The following OTOGL variants were observed in gnomAD, a reference collection of about 807,000 sequenced individuals.
OTOGL encodes the protein otogelin-like protein.
OTOGL carries 285 observed loss-of-function variants against 318.5 expected under a neutral mutation model. The ratio of observed to expected loss-of-function variants is 0.89; its 90% CI spans 0.81 to 0.99. The LOEUF (loss-of-function observed/expected upper bound fraction) is 0.99, where lower values mean the gene tolerates loss of function less well. OTOGL is among the 50% of genes least tolerant of loss of function. The pLI is 0.00. For synonymous variants in OTOGL, 987 were observed against 936.5 expected, an observed-to-expected ratio of 1.05 and a Z score of -0.99; for missense variants, 2,899 against 2,845.6, an observed-to-expected ratio of 1.02 and a Z score of -0.43.
In OTOGL at chr12:80,350,764, T is replaced by C. The variant is rs148822815; in HGVS notation, c.5266-1531T>C. 2.2e-3 allele frequency among the ~76,000 whole-genome samples: 330 copies of C among 152,312 alleles called. 1 individual carries two copies. Among genetic ancestry groups the C allele is most frequent in the African/African-American group, 7.6e-3 (317 of 41,572 alleles). ...TTAAATTGGGTTATTTGTTTCCTTGTTATTGAGTTGTTTGAATTCCTTATG... is the reference window on the plus strand; with the variant it reads ...TTAAATTGGGTTATTTGTTTCCTTGCTATTGAGTTGTTTGAATTCCTTATG... On this transcript the variant is annotated intron_variant, in intron 44 of 58. Coordinates refer to ENST00000547103, the MANE Select transcript of OTOGL (RefSeq NM_001378609.3).
In OTOGL at chr12:80,302,704, T is replaced by C. The variant is rs1190531650; in HGVS notation, c.3134T>C (p.Val1045Ala). The C allele has an allele frequency of 6.5e-7, 1 of 1,534,132 alleles. No homozygotes were observed. The highest frequency in any genetic ancestry group is 8.7e-7 in the Non-Finnish European group (1 of 1,144,608). Residue 1045 changes from valine to alanine, a missense_variant, in exon 28 of 59, where the codon GTA (valine) becomes GCA (alanine). By Grantham distance (64) the Val-to-Ala change is moderately conservative (BLOSUM62 0). This residue lies in a region of OTOGL where 2,607 missense variants were observed against 2,524.9 expected (regional missense o/e 1.03). Coordinates refer to ENST00000547103, the MANE Select transcript of OTOGL (RefSeq NM_001378609.3). ...TGGAAGGCTGGTTACTATATAGTAGTATACTTTCCAGAGAAAGATATCACT... is the reference window on the plus strand; with the variant it reads ...TGGAAGGCTGGTTACTATATAGTAGCATACTTTCCAGAGAAAGATATCACT... ...QLWKAGYYIV[V>A]YFPEKDITIL...
intron 1 of OTOGL, among the ~76,000 whole-genome samples, chr12:80,124,021 G>T (rs1048623925): frequency 6.6e-6 from 1 of 152,078 alleles, no homozygotes; most frequent in Admixed American, 6.5e-5. Context: ...TTCTTTCGCT[G>T]TGCAGAAGCT....
chr12:80,124,333 A>G (rs1248168217), intron 1 of OTOGL, among the ~76,000 whole-genome samples: 3 of 152,200 alleles, frequency 2.0e-5, no homozygotes, highest in African/African-American at 7.2e-5. Context: ...GGTTTGTCGA[A>G]GATCAGATAG....
At chr12:80,165,187 T>C (rs1426440306) in intron 1 of OTOGL, among the ~76,000 whole-genome samples, 1 of 152,192 alleles carries the variant, frequency 6.6e-6, no homozygotes, top group Non-Finnish European at 1.5e-5. Context: ...CAGTACTTTT[T>C]CTTCTCCTAG....
chr12:80,116,755 G>A (rs1001422923), intron 1 of OTOGL, among the ~76,000 whole-genome samples: 1 of 152,102 alleles, frequency 6.6e-6, no homozygotes, highest in African/African-American at 2.4e-5. Context: ...TTTACCACCT[G>A]GTATCAAATG....
At position 80,108,861 on chromosome 12, in the gene OTOGL, T is replaced by C. The variant is rs548767816; in HGVS notation, c.-20+9256T>C. Among the ~76,000 whole-genome samples, 3 of 141,992 alleles carry C rather than the reference T, an allele frequency of 2.1e-5. No homozygotes were observed. The East Asian group carries it at 6.0e-4, about 29-fold the overall frequency. 93.2% of individuals were successfully genotyped at this position (141,992 alleles called of 152,430 possible). On this transcript the variant is annotated intron_variant, in intron 1 of 58. Transcript: ENST00000547103. ...GTATATATATGTGTATATATATGTG[T>C]ATATATATGTGTATATATGTGTATA...
chr12:80,210,710 C>A, intron 2 of OTOGL, 137 bp from the exon 3 acceptor site: 1 of 598,672 alleles, frequency 1.7e-6, no homozygotes, highest in Non-Finnish European at 2.6e-6. Flanking sequence ...TCAAATCCCT[C>A]TAAAAAATGC....
intron 1 of OTOGL, among the ~76,000 whole-genome samples, chr12:80,180,003 T>C (rs1874806614): frequency 6.6e-6 from 1 of 152,236 alleles, no homozygotes; most frequent in South Asian, 2.1e-4. Context: ...AGGTGGGATA[T>C]GCCAGAAGAT....
chr12:80,184,032 T>C (rs1483149913), intron 1 of OTOGL, among the ~76,000 whole-genome samples: 1 of 152,240 alleles, frequency 6.6e-6, no homozygotes, highest in Non-Finnish European at 1.5e-5. Flanking sequence ...GGTCCCTTTT[T>C]CCCATAGTTA....
chr12:80,239,034 T>C (rs1880129953), intron 10 of OTOGL, 56 bp downstream of exon 10: 2 of 1,493,292 alleles, frequency 1.3e-6, no homozygotes, highest in Non-Finnish European at 1.8e-6. Flanking sequence ...TATATCTTAT[T>C]TGTATAATTA....
Position 80,271,582 on chromosome 12 carries a change from T to A in OTOGL, c.2519-66T>A, listed in dbSNP as rs998219805. ...TAGAATAAACCTATTTTATGAATTT[T>A]GGTGTTCATATCTCCCATGCCATGA... On this transcript the variant is annotated intron_variant, in intron 23 of 58. Coordinates refer to ENST00000547103, the MANE Select transcript of OTOGL (RefSeq NM_001378609.3). 8 of 1,443,888 alleles carry A rather than the reference T, an allele frequency of 5.5e-6. No homozygotes were observed. In the African/African-American group the frequency reaches 1.1e-4, roughly 20 times the overall value. The allele number at this position is 1,443,888 out of a possible 1,614,324, so 89.4% of individuals were successfully genotyped here.
At chr12:80,343,051 T>C (rs1229915009) in intron 44 of OTOGL, among the ~76,000 whole-genome samples, 1 of 152,128 alleles carries the variant, frequency 6.6e-6, no homozygotes, top group Non-Finnish European at 1.5e-5. Context: ...CCAGCTGATA[T>C]TTTTAGTACA....
chr12:80,363,289 A>T (rs1388988326), intron 52 of OTOGL, among the ~76,000 whole-genome samples: 3 of 152,212 alleles, frequency 2.0e-5, no homozygotes, highest in Admixed American at 6.5e-5. Flanking sequence ...TTTATATGAT[A>T]GGAGATGGAA....
chr12:80,239,260 T>C (rs911389027), intron 10 of OTOGL, 73 bp from the exon 11 acceptor site: 1 of 1,196,256 alleles, frequency 8.4e-7, no homozygotes, highest in Admixed American at 2.5e-5. Context: ...TGCAAATAGA[T>C]CTGTAAAAAT....
chr12:80,372,111 A>G, intron 57 of OTOGL, 47 bp downstream of exon 57: 1 of 1,327,042 alleles, frequency 7.5e-7, no homozygotes, highest in Non-Finnish European at 1.0e-6. Flanking sequence ...ATTAGTTTTA[A>G]TTGCTCATAG....
chr12:80,109,772 C>T (rs902263443), intron 1 of OTOGL, among the ~76,000 whole-genome samples: 6 of 152,144 alleles, frequency 3.9e-5, no homozygotes, highest in African/African-American at 1.4e-4. Context: ...ATGACCACCA[C>T]ATTAGTCTTT....
chr12:80,307,718 G>T (rs1291356042), intron 29 of OTOGL, among the ~76,000 whole-genome samples: 1 of 143,786 alleles, frequency 7.0e-6, no homozygotes, highest in African/African-American at 2.6e-5. Flanking sequence ...CTTCCCGGAC[G>T]GGGCGGCTGG....
At position 80,253,540 on chromosome 12, in the gene OTOGL, G is replaced by GT; in HGVS notation, c.1362dup (p.Gly455TrpfsTer5). On this transcript the variant is annotated frameshift_variant, in exon 14 of 59. Coordinates refer to ENST00000547103, the MANE Select transcript of OTOGL (RefSeq NM_001378609.3). LOFTEE classifies it high-confidence loss of function. ...CGGTTTTCATGGATTAGCTTATTCA[G>GT]TTGGTTCAAAAATTGAACAAGAATG... 1 of 1,612,800 alleles carries GT rather than the reference G, an allele frequency of 6.2e-7. No individual in the cohort carries two copies. Among genetic ancestry groups the GT allele is most frequent in the Non-Finnish European group, 8.5e-7 (1 of 1,179,016 alleles).
rs1555285901 is a variant in OTOGL at position 80,255,023 on chromosome 12, C to G, written c.1442-17C>G. 6 of 1,058,988 alleles carry G rather than the reference C, an allele frequency of 5.7e-6. No individual in the cohort carries two copies. The highest frequency in any genetic ancestry group is 7.5e-6 in the Non-Finnish European group (6 of 795,592). The allele number at this position is 1,058,988 out of a possible 1,614,324, so 65.6% of individuals were successfully genotyped here. Reference sequence around the variant, plus strand: ...ACCTCCTTTTCTTTTTCTTTGTTTTCTTTTTTTTTTTGGCAGTTCAATGCT... The same window carrying G: ...ACCTCCTTTTCTTTTTCTTTGTTTTGTTTTTTTTTTTGGCAGTTCAATGCT... On this transcript the variant is annotated splice_polypyrimidine_tract_variant and intron_variant, in intron 15 of 58. Transcript: ENST00000547103.
Sources: gnomAD v4.1 joint callset for allele counts (sites outside exome capture counted in the v4.1 genomes callset) on GRCh38, gnomAD v4.1.1 for gene constraint, gnomAD v4.1.1 regional missense constraint, MANE v1.5 for transcripts, NCBI Gene and HGNC (gene_info 2026-07-23, HGNC 2026-07-21) for gene names.